The following LRMDA variants were observed in gnomAD, a reference collection of about 807,000 sequenced individuals.
LRMDA encodes leucine rich melanocyte differentiation associated, also known as leucine-rich melanocyte differentiation-associated protein.
In LRMDA, 18 loss-of-function variants were observed where a neutral mutation model predicts 29.8. The ratio of observed to expected loss-of-function variants is 0.60; its 90% CI spans 0.42 to 0.90. The LOEUF (loss-of-function observed/expected upper bound fraction) is 0.90, where lower values mean the gene tolerates loss of function less well. Ranked by LOEUF, LRMDA falls within the 40% of genes least tolerant of loss-of-function variation. The pLI, the probability that LRMDA is intolerant of heterozygous loss-of-function variation, is 0.00. For synonymous variants in LRMDA, 125 were observed against 109.4 expected (o/e 1.14, Z -0.89); for missense variants, 273 against 273.9 (o/e 1.00, Z 0.02).
intron 5 of LRMDA, among the ~76,000 whole-genome samples, chr10:76,249,148 A>G (rs1852427705): frequency 6.6e-6 from 1 of 152,172 alleles, no homozygotes. Flanking sequence ...GATTTGCTCA[A>G]GCTGCTCTAT....
chr10:76,304,712 T>TG (rs1840529309), intron 5 of LRMDA, among the ~76,000 whole-genome samples: 1 of 152,212 alleles, frequency 6.6e-6, no homozygotes, highest in Non-Finnish European at 1.5e-5. Flanking sequence ...GAAGATACTA[T>TG]GGGCCACCCA....
At chr10:75,496,353 A>G (rs1845044372) in intron 2 of LRMDA, among the ~76,000 whole-genome samples, 1 of 152,204 alleles carries the variant, frequency 6.6e-6, no homozygotes, top group Admixed American at 6.5e-5. Flanking sequence ...ATATAATTCA[A>G]TGGAGAATGA....
intron 5 of LRMDA, among the ~76,000 whole-genome samples, chr10:76,089,591 T>C (rs1012559966): frequency 8.5e-5 from 13 of 152,150 alleles, no homozygotes; most frequent in Admixed American, 5.9e-4. Context: ...TTGTCTGTTA[T>C]GCTTGGAGGC....
chr10:75,480,609 G>A (rs137902351), intron 2 of LRMDA, among the ~76,000 whole-genome samples: 15 of 152,342 alleles, frequency 9.8e-5, no homozygotes, highest in African/African-American at 3.1e-4. Flanking sequence ...GATCACAAAG[G>A]GACTTGTAAA....
At position 75,548,338 on chromosome 10, in the gene LRMDA, T is replaced by C. The variant is rs568749906; in HGVS notation, c.131+109844T>C. Among the ~76,000 whole-genome samples, 3 of 152,292 alleles carry C rather than the reference T, an allele frequency of 2.0e-5. No homozygotes were observed. The South Asian group carries it at 6.2e-4, about 32-fold the overall frequency. ...AAGAAACAAGCAAGCAAGGTACTGG[T>C]AGCATTAGCTAACATCTTTCTATGC... is the stretch of plus-strand genomic sequence containing the variant. On this transcript the variant is annotated intron_variant, in intron 2 of 6. Coordinates refer to ENST00000611255, the MANE Select transcript of LRMDA (RefSeq NM_001305581.2).
rs146851450 is a variant in LRMDA, at chr10:76,538,505, T to A, written c.602-18704T>A. On this transcript the variant is annotated intron_variant, in intron 6 of 6. Coordinates refer to ENST00000611255, the MANE Select transcript of LRMDA (RefSeq NM_001305581.2). ...ATATTTATATAGTTATATATGTATA[T>A]ATATATGTATATACATATTTATATA... is the stretch of plus-strand genomic sequence containing the variant. Among the ~76,000 whole-genome samples the A allele has an allele frequency of 4.5e-3, 668 of 147,662 alleles. 10 individuals carry two copies. The highest frequency in any genetic ancestry group is 0.016 in the African/African-American group (640 of 40,514).
chr10:76,012,675 A>G (rs1460030162), intron 2 of LRMDA, among the ~76,000 whole-genome samples: 2 of 152,208 alleles, frequency 1.3e-5, no homozygotes, highest in Non-Finnish European at 2.9e-5. Context: ...GTGCATGCAC[A>G]CATATGCATG....
chr10:75,804,916 T>C (rs1843823840), intron 2 of LRMDA, among the ~76,000 whole-genome samples: 1 of 152,130 alleles, frequency 6.6e-6, no homozygotes, highest in Non-Finnish European at 1.5e-5. Flanking sequence ...ATGGTGGTGA[T>C]GCTGGCCAGC....
intron 2 of LRMDA, among the ~76,000 whole-genome samples, chr10:75,755,768 C>T (rs944686035): frequency 6.6e-6 from 1 of 152,158 alleles, no homozygotes; most frequent in Non-Finnish European, 1.5e-5. Flanking sequence ...CAAAAGCTAG[C>T]CAGGCTGTGC....
At chr10:76,175,619 G>C (rs1295214121) in intron 5 of LRMDA, among the ~76,000 whole-genome samples, 1 of 152,202 alleles carries the variant, frequency 6.6e-6, no homozygotes, top group Non-Finnish European at 1.5e-5. Flanking sequence ...GTCACTGAGT[G>C]CTCGAGTTTG....
intron 5 of LRMDA, among the ~76,000 whole-genome samples, chr10:76,245,274 A>G (rs1177047546): frequency 2.6e-5 from 4 of 152,070 alleles, no homozygotes; most frequent in Admixed American, 2.6e-4. Flanking sequence ...GCCTGGTCCT[A>G]TTGAGGATCC....
At chr10:76,343,631 C>T (rs1397891111) in intron 6 of LRMDA, among the ~76,000 whole-genome samples, 1 of 152,056 alleles carries the variant, frequency 6.6e-6, no homozygotes, top group Non-Finnish European at 1.5e-5. Context: ...ACATCCATCT[C>T]AGTCCAAAAG....
At chr10:75,461,905 G>C (rs1442594193) in intron 2 of LRMDA, among the ~76,000 whole-genome samples, 1 of 152,254 alleles carries the variant, frequency 6.6e-6, no homozygotes, top group Non-Finnish European at 1.5e-5. Flanking sequence ...GGCTAGTGAA[G>C]GAGGCAGAGC....
intron 5 of LRMDA, among the ~76,000 whole-genome samples, chr10:76,222,575 C>T (rs1851864539): frequency 6.6e-6 from 1 of 152,214 alleles, no homozygotes. Flanking sequence ...AGTGAGATAT[C>T]ATCTCACACC....
intron 5 of LRMDA, among the ~76,000 whole-genome samples, chr10:76,074,551 C>T (rs188805588): frequency 5.3e-4 from 81 of 152,264 alleles, no homozygotes; most frequent in Non-Finnish European, 9.1e-4. Context: ...CTTCCACCCC[C>T]CTCCCAGTTA....
intron 6 of LRMDA, among the ~76,000 whole-genome samples, chr10:76,363,151 A>G (rs1317818713): frequency 2.6e-5 from 1 of 39,018 alleles, no homozygotes; most frequent in African/African-American, 1.2e-4. Flanking sequence ...GAAAGAAAGA[A>G]AGAAAGAAAG....
At chr10:76,278,574 C>G (rs535716839) in intron 5 of LRMDA, among the ~76,000 whole-genome samples, 1 of 152,308 alleles carries the variant, frequency 6.6e-6, no homozygotes, top group African/African-American at 2.4e-5. Flanking sequence ...ACCTGACAGT[C>G]AGCGGTGTCT....
At chr10:76,098,891 T>C (rs538172216) in intron 5 of LRMDA, among the ~76,000 whole-genome samples, 1 of 152,216 alleles carries the variant, frequency 6.6e-6, no homozygotes, top group Admixed American at 6.5e-5. Context: ...GGAGATGAAA[T>C]AATAGGGAGG....
intron 6 of LRMDA, among the ~76,000 whole-genome samples, chr10:76,490,864 T>C (rs987678636): frequency 7.2e-5 from 11 of 152,006 alleles, no homozygotes; most frequent in Admixed American, 7.2e-4. Flanking sequence ...CTTTCCTTCC[T>C]TGCTGTCTTT....
Sources: allele counts gnomAD v4.1 joint callset (sites outside exome capture counted in the v4.1 genomes callset), GRCh38; gene constraint gnomAD v4.1.1; transcripts MANE v1.5; gene names NCBI Gene and HGNC (gene_info 2026-07-23, HGNC 2026-07-21).